SMCR8: variants seen among roughly 807,000 people sequenced by gnomAD.
SMCR8 encodes SMCR8-C9orf72 complex subunit, also known as guanine nucleotide exchange protein SMCR8.
SMCR8 carries 30 observed loss-of-function variants against 56.6 expected under a neutral mutation model. The ratio of observed to expected loss-of-function variants is 0.53; its 90% CI spans 0.40 to 0.72. The LOEUF (loss-of-function observed/expected upper bound fraction) is 0.72. Ranked by LOEUF, SMCR8 falls within the 30% of genes least tolerant of loss-of-function variation. The pLI is 0.00. For missense variants in SMCR8, 1,198 were observed against 1,157.0 expected (o/e 1.04, Z -0.51); for synonymous variants, 538 against 456.0 (o/e 1.18, Z -2.29).
intron 1 of SMCR8, among the ~76,000 whole-genome samples, chr17:18,318,677 T>G (rs1007090513): frequency 6.6e-6 from 1 of 152,218 alleles, no homozygotes; most frequent in Admixed American, 6.5e-5. Context: ...GTGCTGGGAT[T>G]ACAGGTGTGA....
At position 18,317,637 on chromosome 17, in the gene SMCR8, A is replaced by G. The variant is rs750872266; in HGVS notation, c.1848A>G (p.Pro616=). ...SDEDGVVSSP[P]QRHRQKDQGF... ...AGGATGGGGTGGTGAGCAGCCCCCCACAGCGCCACAGGCAGAAGGACCAGG... is the reference window on the plus strand; with the variant it reads ...AGGATGGGGTGGTGAGCAGCCCCCCGCAGCGCCACAGGCAGAAGGACCAGG... The change falls in exon 1 of 2, where the codon CCA becomes CCG. Residue 616 remains proline, a synonymous_variant. Transcript: ENST00000406438. The G allele has an allele frequency of 9.3e-6, 15 of 1,614,032 alleles. No homozygotes were observed. Among genetic ancestry groups the G allele is most frequent in the Non-Finnish European group, 1.7e-6 (2 of 1,180,034 alleles).
rs1598004911 is a variant in SMCR8, at chr17:18,326,781, A to AG, written c.*3711_*3712insG. 4 of 152,444 alleles carry AG rather than the reference A, an allele frequency of 2.6e-5. No homozygotes were observed. In the East Asian group the frequency reaches 7.7e-4, roughly 29 times the overall value. The allele number at this position is 152,444 out of a possible 1,614,324, so 9.4% of individuals were successfully genotyped here. On this transcript the variant is annotated 3_prime_UTR_variant, in exon 2 of 2. Transcript: ENST00000406438. ...GTGCTGACTGCTGCCCGCAGTGCTGAACATGCCCCACCGCCCAGGCCCAGC... is the reference window on the plus strand; with the variant it reads ...GTGCTGACTGCTGCCCGCAGTGCTGAGACATGCCCCACCGCCCAGGCCCAGC...
In SMCR8 at chr17:18,317,679, T is replaced by C. The variant is rs749232943; in HGVS notation, c.1890T>C (p.Phe630=). The part of the protein sequence containing the change: ...RQKDQGFRVD[F]SVENANPSSR... ...AGGACCAGGGGTTCCGTGTAGACTT[T>C]TCAGTGGAAAATGCCAACCCTTCTT... is the stretch of plus-strand genomic sequence containing the variant. The change falls in exon 1 of 2, where the codon TTT becomes TTC. Residue 630 remains phenylalanine, a synonymous_variant. Coordinates refer to ENST00000406438, the MANE Select transcript of SMCR8 (RefSeq NM_144775.3). 3 of 1,614,072 alleles carry C rather than the reference T, an allele frequency of 1.9e-6. No individual in the cohort carries two copies. The highest frequency in any genetic ancestry group is 1.1e-5 in the South Asian group (1 of 91,072).
chr17:18,320,308 C>T (rs745706553), intron 1 of SMCR8, among the ~76,000 whole-genome samples: 2 of 152,222 alleles, frequency 1.3e-5, no homozygotes, highest in Non-Finnish European at 1.5e-5. Context: ...GAGGCTTGTC[C>T]CTTCCCGTGT....
chr17:18,316,159 G>C lies in SMCR8; in HGVS notation c.370G>C (p.Val124Leu). 6.2e-7 allele frequency: 1 copy of C among 1,614,176 alleles called. No individual in the cohort carries two copies. The highest frequency in any genetic ancestry group is 8.5e-7 in the Non-Finnish European group (1 of 1,180,042). ...KLNFVEDSKV[V>L]LGDSKEGAFA... The stretch of plus-strand genomic sequence containing the variant: ...GAACTTCGTGGAGGACTCCAAGGTG[G>C]TGCTGGGAGATTCTAAGGAGGGCGC... Residue 124 changes from valine to leucine, a missense_variant, in exon 1 of 2, where the codon GTG becomes CTG. Transcript: ENST00000406438.
intron 1 of SMCR8, among the ~76,000 whole-genome samples, chr17:18,319,460 C>G (rs1194456593): frequency 2.0e-5 from 3 of 152,024 alleles, no homozygotes; most frequent in Non-Finnish European, 2.9e-5. Flanking sequence ...ACCTTCCTAT[C>G]CTCGGAGGTG....
chr17:18,316,420 A>C lies in SMCR8; in HGVS notation c.631A>C (p.Thr211Pro). Residue 211 changes from threonine to proline, a missense_variant, in exon 1 of 2, where the codon ACA (threonine) becomes CCA (proline). Transcript: ENST00000406438. The stretch of plus-strand genomic sequence containing the variant: ...GGATTACACCAGGACAGTGCTACAC[A>C]CAGAAACGGAGATCCAGAAGAAAGC... ...DLDYTRTVLH[T>P]ETEIQKKAND... The C allele has an allele frequency of 6.2e-7, 1 of 1,614,200 alleles. No individual in the cohort carries two copies. The highest frequency in any genetic ancestry group is 8.5e-7 in the Non-Finnish European group (1 of 1,180,052).
Position 18,323,187 on chromosome 17 carries a change from A to T in SMCR8, c.*117A>T. 1 of 915,456 alleles carries T rather than the reference A, an allele frequency of 1.1e-6. No individual in the cohort carries two copies. The highest frequency in any genetic ancestry group is 1.6e-6 in the Non-Finnish European group (1 of 608,048). The allele number at this position is 915,456 out of a possible 1,614,324, so 56.7% of individuals were successfully genotyped here. A position where few individuals can be genotyped will look rare whatever the true frequency, so the allele number is the denominator to read the frequency against. ...GTTTAAGTTTCTGGTGTCTGGCAGCATGGTTCCCACGTGGCTCCTAGTAGT... is the reference window on the plus strand; with the variant it reads ...GTTTAAGTTTCTGGTGTCTGGCAGCTTGGTTCCCACGTGGCTCCTAGTAGT... On this transcript the variant is annotated 3_prime_UTR_variant, in exon 2 of 2. Coordinates refer to ENST00000406438, the MANE Select transcript of SMCR8 (RefSeq NM_144775.3).
At chr17:18,321,184 A>G (rs1982486427) in intron 1 of SMCR8, among the ~76,000 whole-genome samples, 1 of 152,234 alleles carries the variant, frequency 6.6e-6, no homozygotes, top group Non-Finnish European at 1.5e-5. Context: ...TCCTTCTTAC[A>G]CCATACCTGT....
intron 1 of SMCR8, among the ~76,000 whole-genome samples, chr17:18,318,882 G>C (rs1982415053): frequency 6.6e-6 from 1 of 152,214 alleles, no homozygotes; most frequent in Non-Finnish European, 1.5e-5. Context: ...GAAAGGGTTA[G>C]GCTGCTGTCC....
Position 18,320,723 on chromosome 17 carries a change from T to C in SMCR8, c.2361-1894T>C, listed in dbSNP as rs1223601931. Among the ~76,000 whole-genome samples the C allele has an allele frequency of 3.3e-5, 5 of 152,338 alleles. No individual in the cohort carries two copies. The East Asian group carries it at 9.6e-4, about 29-fold the overall frequency. On this transcript the variant is annotated intron_variant, in intron 1 of 1. Transcript: ENST00000406438. Reference sequence around the variant, plus strand: ...GCAGGCCCCAGTTCCTCCATGCCTGTGGGATGCATGTGGTCCATAGCCCAG... The same window carrying C: ...GCAGGCCCCAGTTCCTCCATGCCTGCGGGATGCATGTGGTCCATAGCCCAG...
rs1345265090 is a variant in SMCR8, at chr17:18,327,231, A to G, written c.*4161A>G. 1.4e-5 allele frequency: 2 copies of G among 142,778 alleles called. No individual in the cohort carries two copies. The highest frequency in any genetic ancestry group is 3.1e-5 in the Non-Finnish European group (2 of 65,234). 8.8% of individuals were successfully genotyped at this position (142,778 alleles called of 1,614,324 possible). ...TACCTCATTAAGGTTTGGTTAAAGC[A>G]GTGGAAAGGAGGAGGAGGCAGGGGT... On this transcript the variant is annotated 3_prime_UTR_variant, in exon 2 of 2. Transcript: ENST00000406438.
At chr17:18,321,127 G>T (rs1402886140) in intron 1 of SMCR8, among the ~76,000 whole-genome samples, 1 of 152,184 alleles carries the variant, frequency 6.6e-6, no homozygotes, top group Non-Finnish European at 1.5e-5. Context: ...TAAAACCCAG[G>T]AAGGAAAAAG....
Position 18,324,056 on chromosome 17 carries a change from C to G in SMCR8, c.*986C>G, listed in dbSNP as rs989584129. 1.3e-5 allele frequency: 2 copies of G among 152,312 alleles called. No homozygotes were observed. Among genetic ancestry groups the G allele is most frequent in the African/African-American group, 4.8e-5 (2 of 41,474 alleles). 9.4% of individuals were successfully genotyped at this position (152,312 alleles called of 1,614,324 possible). A position where few individuals can be genotyped will look rare whatever the true frequency, so the allele number is the denominator to read the frequency against. On this transcript the variant is annotated 3_prime_UTR_variant, in exon 2 of 2. Transcript: ENST00000406438. ...GCAGAGGCCACACTCCAGCTCCCAC[C>G]CACATAAACCTTTGCAACCACTTCA...
In SMCR8 at chr17:18,315,865, C is replaced by G. The variant is rs770867783; in HGVS notation, c.76C>G (p.Leu26Val). ...AGAAGAGCCTTACAATGAGCCGGCCCTGCCTGAGGAGTACTCGGTGCCGCT... is the reference window on the plus strand; with the variant it reads ...AGAAGAGCCTTACAATGAGCCGGCCGTGCCTGAGGAGTACTCGGTGCCGCT... ...YEEEPYNEPA[L>V]PEEYSVPLFP... is the part of the protein sequence containing the mutation. The change falls in exon 1 of 2, where the codon CTG (leucine) becomes GTG (valine). Residue 26 changes from leucine (L) to valine (V), a missense_variant. Leu to Val is a conservative substitution (Grantham distance 32). Transcript: ENST00000406438. 5 of 1,614,078 alleles carry G rather than the reference C, an allele frequency of 3.1e-6. No individual in the cohort carries two copies. The highest frequency in any genetic ancestry group is 4.2e-6 in the Non-Finnish European group (5 of 1,179,960).
rs144918345 is a variant in SMCR8 at position 18,326,376 on chromosome 17, A to T, written c.*3306A>T. On this transcript the variant is annotated 3_prime_UTR_variant, in exon 2 of 2. Coordinates refer to ENST00000406438, the MANE Select transcript of SMCR8 (RefSeq NM_144775.3). ...TAGAGATCAGGCCACAGCTTTTTAT[A>T]TCGCACAGGACACATCAGCCTGAGC... The T allele has an allele frequency of 1.3e-5, 2 of 152,216 alleles. No homozygotes were observed. The highest frequency in any genetic ancestry group is 2.9e-5 in the Non-Finnish European group (2 of 68,042). The allele number at this position is 152,216 out of a possible 1,614,324, so 9.4% of individuals were successfully genotyped here. A position where few individuals can be genotyped will look rare whatever the true frequency, so the allele number is the denominator to read the frequency against.
At chr17:18,321,005 G>C (rs79838865) in intron 1 of SMCR8, among the ~76,000 whole-genome samples, 3,603 of 152,254 alleles carry the variant, frequency 0.024, 135 homozygotes, top group African/African-American at 0.079. Flanking sequence ...CAATCAGACT[G>C]AGCTCATGCA....
Position 18,316,527 on chromosome 17 carries a change from T to C in SMCR8, c.738T>C (p.His246=), listed in dbSNP as rs201396513. 7.4e-6 allele frequency: 12 copies of C among 1,614,108 alleles called. No individual in the cohort carries two copies. The highest frequency in any genetic ancestry group is 3.3e-5 in the Admixed American group (2 of 60,020). ...GTGTGGAGAAGTCCATCATTGAACA[T>C]CAAGACCTGCTGAAGCAGATCCGCT... is the stretch of plus-strand genomic sequence containing the variant. The part of the protein sequence containing the change: ...LASVEKSIIE[H]QDLLKQIRSY... The change falls in exon 1 of 2, where the codon CAT becomes CAC. Residue 246 remains histidine, a synonymous_variant. Transcript: ENST00000406438.
At chr17:18,322,370 G>T (rs1982524254) in intron 1 of SMCR8, among the ~76,000 whole-genome samples, 1 of 152,218 alleles carries the variant, frequency 6.6e-6, no homozygotes, top group African/African-American at 2.4e-5. Flanking sequence ...CTCCAAAAAA[G>T]AGTCCATTCA....
Sources: gnomAD v4.1 joint callset for allele counts (sites outside exome capture counted in the v4.1 genomes callset) on GRCh38, gnomAD v4.1.1 for gene constraint, MANE v1.5 for transcripts, NCBI Gene and HGNC (gene_info 2026-07-23, HGNC 2026-07-21) for gene names.